The following PIGF variants were observed in gnomAD, a reference collection of about 807,000 sequenced individuals.
PIGF encodes the protein phosphatidylinositol glycan anchor biosynthesis class F, also known as GPI ethanolamine phosphate transferase, stabilizing subunit.
PIGF carries 23 observed loss-of-function variants against 26.0 expected under a neutral mutation model. That is an observed-to-expected ratio of 0.88 (90% CI 0.64 to 1.25). PIGF has a LOEUF of 1.25. PIGF is among the 50% of genes most tolerant of loss of function. The pLI is 0.00. For synonymous variants in PIGF, 93 were observed against 92.6 expected, an observed-to-expected ratio of 1.00 and a Z score of -0.03; for missense variants, 278 against 249.9, an observed-to-expected ratio of 1.11 and a Z score of -0.76.
Position 46,581,377 on chromosome 2 carries a change from T to G in PIGF, c.*101A>C. The G allele has an allele frequency of 6.6e-7, 1 of 1,505,104 alleles. No individual in the cohort carries two copies. The highest frequency in any genetic ancestry group is 1.3e-5 in the South Asian group (1 of 77,622). The allele number at this position is 1,505,104 out of a possible 1,614,324, so 93.2% of individuals were successfully genotyped here. Reference sequence around the variant, plus strand: ...ACAATCACATCATGTTGTAACTACGTAAAAAACAGAGCTGTAAATGGAACT... The same window carrying G: ...ACAATCACATCATGTTGTAACTACGGAAAAAACAGAGCTGTAAATGGAACT... On this transcript the variant is annotated 3_prime_UTR_variant, in exon 6 of 6. Transcript: ENST00000281382.
chr2:46,592,785 AT>A (rs1226608764), intron 4 of PIGF, among the ~76,000 whole-genome samples: 1 of 152,218 alleles, frequency 6.6e-6, no homozygotes, highest in East Asian at 1.9e-4. Context: ...TGGAAAGGTA[AT>A]ATACAGACGC....
At chr2:46,612,124 A>C (rs1670440061) in intron 4 of PIGF, 104 bp downstream of exon 4, 4 of 408,686 alleles carry the variant, frequency 9.8e-6, no homozygotes, top group Non-Finnish European at 1.8e-5. Context: ...CACCATCAGC[A>C]ATGAGAAGCA....
intron 1 of PIGF, chr2:46,615,774 A>G (rs1446506559): frequency 6.6e-6 from 1 of 152,294 alleles, no homozygotes; most frequent in Non-Finnish European, 1.5e-5. Flanking sequence ...AGAGCACCAC[A>G]CTAAACCAAG....
intron 4 of PIGF, among the ~76,000 whole-genome samples, chr2:46,611,962 C>CA (rs1670434106): frequency 2.0e-5 from 3 of 147,248 alleles, no homozygotes; most frequent in South Asian, 4.3e-4. Context: ...TCTTCTTCTT[C>CA]TTTTTTTTTT....
chr2:46,591,155 A>T (rs1207814967), intron 5 of PIGF, among the ~76,000 whole-genome samples: 2 of 152,350 alleles, frequency 1.3e-5, no homozygotes, highest in South Asian at 4.1e-4. Context: ...AATGACCTAA[A>T]TGTTCTTTAA....
intron 4 of PIGF, among the ~76,000 whole-genome samples, chr2:46,598,831 A>G (rs1060656): frequency 0.24 from 36,069 of 151,978 alleles, 5,215 homozygotes; most frequent in African/African-American, 0.41. Context: ...TATGGTATAC[A>G]GTTATATCTC....
At chr2:46,586,329 C>G (rs996730056) in intron 5 of PIGF, among the ~76,000 whole-genome samples, 1 of 152,040 alleles carries the variant, frequency 6.6e-6, no homozygotes, top group Non-Finnish European at 1.5e-5. Context: ...TCCATTCATT[C>G]GAAACTATTT....
At chr2:46,612,453 T>C in intron 3 of PIGF, 109 bp from the exon 4 acceptor site, 1 of 408,646 alleles carries the variant, frequency 2.4e-6, no homozygotes, top group East Asian at 3.8e-5. Context: ...TGCTTTACTT[T>C]GAAAGGTAAC....
At chr2:46,616,766 G>A (rs1045486378) in intron 1 of PIGF, 2 of 175,640 alleles carry the variant, frequency 1.1e-5, no homozygotes, top group African/African-American at 4.8e-5. Flanking sequence ...CATGGGAGTT[G>A]AAGACAAGGG....
intron 5 of PIGF, among the ~76,000 whole-genome samples, chr2:46,584,635 A>G (rs1669508512): frequency 6.6e-6 from 1 of 152,210 alleles, no homozygotes; most frequent in South Asian, 2.1e-4. Context: ...ATGTAAATCA[A>G]GAAGTGCATG....
chr2:46,605,116 C>T (rs1359604235), intron 4 of PIGF, among the ~76,000 whole-genome samples: 1 of 151,844 alleles, frequency 6.6e-6, no homozygotes, highest in Admixed American at 6.6e-5. Context: ...CACTGCAAAA[C>T]CATAGATCTT....
At chr2:46,603,583 G>C (rs756819527) in intron 4 of PIGF, among the ~76,000 whole-genome samples, 3 of 151,892 alleles carry the variant, frequency 2.0e-5, no homozygotes, top group Non-Finnish European at 4.4e-5. Context: ...TTTCATCAAA[G>C]ATGCCAAGAA....
intron 1 of PIGF, chr2:46,616,696 G>C (rs1190811840): frequency 6.4e-6 from 1 of 155,906 alleles, no homozygotes; most frequent in East Asian, 1.9e-4. Flanking sequence ...GATTCTGCCC[G>C]AGCCTACGCC....
At chr2:46,599,963 T>C (rs1366668105) in intron 4 of PIGF, among the ~76,000 whole-genome samples, 1 of 152,198 alleles carries the variant, frequency 6.6e-6, no homozygotes, top group African/African-American at 2.4e-5. Flanking sequence ...TATTTTCTAA[T>C]AAGTTTTCTG....
intron 5 of PIGF, among the ~76,000 whole-genome samples, chr2:46,585,279 G>A (rs113292474): frequency 0.048 from 7,343 of 152,232 alleles, 269 homozygotes; most frequent in African/African-American, 0.11. Context: ...AGCACTGGAG[G>A]CCAGCCTGGG....
chr2:46,588,259 T>C lies in PIGF; in HGVS notation c.546+4216A>G. The C allele has an allele frequency of 6.4e-7, 1 of 1,560,104 alleles. No individual in the cohort carries two copies. The highest frequency in any genetic ancestry group is 8.7e-7 in the Non-Finnish European group (1 of 1,154,098). On this transcript the variant is annotated intron_variant, in intron 5 of 5. Coordinates refer to ENST00000281382, the MANE Select transcript of PIGF (RefSeq NM_002643.4). The surrounding 1 kb of genome is among the most constrained non-coding windows in gnomAD (Gnocchi z 4.1). ...CATAACTAAATACCAGAGAAATAGA[T>C]AAATTAACAGTCCACTCTACCAACT...
At chr2:46,599,260 A>T (rs1669984154) in intron 4 of PIGF, among the ~76,000 whole-genome samples, 1 of 152,182 alleles carries the variant, frequency 6.6e-6, no homozygotes, top group Non-Finnish European at 1.5e-5. Context: ...TGCTTGTATT[A>T]GTTTTTATTT....
intron 2 of PIGF, chr2:46,614,482 T>A: frequency 6.4e-6 from 1 of 156,302 alleles, no homozygotes; most frequent in South Asian, 1.9e-4. Flanking sequence ...GGAAAATTGA[T>A]TCTAATATCT....
At chr2:46,608,883 T>C (rs1469026668) in intron 4 of PIGF, among the ~76,000 whole-genome samples, 2 of 152,176 alleles carry the variant, frequency 1.3e-5, no homozygotes, top group African/African-American at 4.8e-5. Context: ...TGACAGTATA[T>C]AGGCAAAGTA....
Sources: allele counts gnomAD v4.1 joint callset (sites outside exome capture counted in the v4.1 genomes callset), GRCh38; gene constraint gnomAD v4.1.1; non-coding constraint Gnocchi (gnomAD v3.1); transcripts MANE v1.5; gene names NCBI Gene and HGNC (gene_info 2026-07-23, HGNC 2026-07-21).